The following PPP4R2 variants were observed in gnomAD, a reference collection of about 807,000 sequenced individuals.
PPP4R2 encodes serine/threonine-protein phosphatase 4 regulatory subunit 2.
In PPP4R2, 13 loss-of-function variants were observed where a neutral mutation model predicts 47.2. That is an observed-to-expected ratio of 0.28 (90% CI 0.18 to 0.44). The LOEUF (loss-of-function observed/expected upper bound fraction) is 0.44, where lower values mean the gene tolerates loss of function less well. PPP4R2 is among the 20% of genes least tolerant of loss of function. The pLI is 1.00. For missense variants in PPP4R2, 421 were observed against 491.2 expected (o/e 0.86, Z 1.35); for synonymous variants, 151 against 163.3 (o/e 0.92, Z 0.57).
chr3:73,002,418 G>C (rs1273414818), intron 2 of PPP4R2, among the ~76,000 whole-genome samples: 1 of 151,890 alleles, frequency 6.6e-6, no homozygotes, highest in Non-Finnish European at 1.5e-5. Flanking sequence ...CACGATGCCT[G>C]GCTAATTTAT....
chr3:73,036,303 A>G (rs1244626445), intron 2 of PPP4R2, among the ~76,000 whole-genome samples: 1 of 152,232 alleles, frequency 6.6e-6, no homozygotes, highest in Non-Finnish European at 1.5e-5. Context: ...GTACAGTCAG[A>G]TAAAAGGAAT....
intron 2 of PPP4R2, among the ~76,000 whole-genome samples, chr3:73,011,602 T>TG (rs1701726004): frequency 6.6e-6 from 1 of 152,190 alleles, no homozygotes; most frequent in Non-Finnish European, 1.5e-5. Context: ...TGGGGTATTT[T>TG]GGGGCAATTA....
intron 8 of PPP4R2, 36 bp downstream of exon 8, chr3:73,065,177 G>C: frequency 6.5e-7 from 1 of 1,539,374 alleles, no homozygotes; most frequent in Non-Finnish European, 8.7e-7. Flanking sequence ...GTGGAGTAAG[G>C]AGATCCTCAA....
rs1703007847 is a variant in PPP4R2, at chr3:73,066,928, C to T, written c.*1206C>T. The T allele has an allele frequency of 6.6e-6, 1 of 152,064 alleles. No individual in the cohort carries two copies. The highest frequency in any genetic ancestry group is 2.4e-5 in the African/African-American group (1 of 41,426). The allele number at this position is 152,064 out of a possible 1,614,324, so 9.4% of individuals were successfully genotyped here. On this transcript the variant is annotated 3_prime_UTR_variant, in exon 9 of 9. Transcript: ENST00000356692. ...CAAAGCACAATGATTACTCGAAATTCAGTATTTTCAAATTTACATATTTAA... is the reference window on the plus strand; with the variant it reads ...CAAAGCACAATGATTACTCGAAATTTAGTATTTTCAAATTTACATATTTAA...
chr3:73,064,032 G>A lies in PPP4R2; in HGVS notation c.524G>A (p.Arg175Lys), dbSNP rs1702930247. 3 of 1,611,510 alleles carry A rather than the reference G, an allele frequency of 1.9e-6. No homozygotes were observed. The highest frequency in any genetic ancestry group is 1.3e-5 in the African/African-American group (1 of 74,820). Residue 175 changes from arginine to lysine, a missense_variant, in exon 7 of 9, where the codon AGG becomes AAG. By Grantham distance (26) the Arg-to-Lys change is conservative. Transcript: ENST00000356692. ...RSNINGPGTPRPLNRPKVSLS... is the reference protein window; with the variant it reads ...RSNINGPGTPKPLNRPKVSLS... Reference sequence around the variant, plus strand: ...AATATAAATGGGCCTGGGACACCCAGGCCACTTAATCGACCAAAGGTTTCT... The same window carrying A: ...AATATAAATGGGCCTGGGACACCCAAGCCACTTAATCGACCAAAGGTTTCT...
In PPP4R2 at chr3:73,065,100, G is replaced by C; in HGVS notation, c.887G>C (p.Cys296Ser). ...DKDSRCTRQH[C>S]TEEDEEEDEE... ...GATAGCCGTTGTACCCGGCAGCACT[G>C]TACAGAAGAGGATGAAGAAGAGGAT... Residue 296 changes from cysteine to serine, a missense_variant, in exon 8 of 9, where the codon TGT becomes TCT. Physicochemically the swap from Cys to Ser is moderately radical, Grantham distance 112. Around this residue, in one of 2 missense-constraint regions of PPP4R2, gnomAD observed 317 missense variants for 287.5 expected, o/e 1.10. Coordinates refer to ENST00000356692, the MANE Select transcript of PPP4R2 (RefSeq NM_174907.4). 6.2e-7 allele frequency: 1 copy of C among 1,613,610 alleles called. No homozygotes were observed. Among genetic ancestry groups the C allele is most frequent in the Non-Finnish European group, 8.5e-7 (1 of 1,179,820 alleles).
chr3:73,035,056 T>C (rs1575864740), intron 2 of PPP4R2, among the ~76,000 whole-genome samples: 1 of 152,174 alleles, frequency 6.6e-6, no homozygotes, highest in East Asian at 1.9e-4. Flanking sequence ...GATTAATAAC[T>C]AGAATATGTA....
At chr3:73,006,967 C>T (rs1020490044) in intron 2 of PPP4R2, among the ~76,000 whole-genome samples, 5 of 152,142 alleles carry the variant, frequency 3.3e-5, no homozygotes, top group Non-Finnish European at 1.5e-5. Context: ...AATACTGTGT[C>T]AGCTAGTTTT....
At position 73,027,659 on chromosome 3, in the gene PPP4R2, G is replaced by GGGGTGTGT. The variant is rs139804963; in HGVS notation, c.117-19526_117-19525insGGTGTGTG. The GGGGTGTGT allele has an allele frequency of 8.0e-5, 12 of 149,642 alleles. No homozygotes were observed. The Admixed American group carries it at 8.0e-4, about 10-fold the overall frequency. The allele number at this position is 149,642 out of a possible 1,614,324, so 9.3% of individuals were successfully genotyped here. On this transcript the variant is annotated intron_variant, in intron 2 of 8. Coordinates refer to ENST00000356692, the MANE Select transcript of PPP4R2 (RefSeq NM_174907.4). ...ATGAATAAATTCTTGGTACTTGTGA[G>GGGGTGTGT]GTGTGTGTGTGTGTGTGTGTGTGTG...
intron 5 of PPP4R2, chr3:73,062,851 T>A (rs1049696443): frequency 1.9e-6 from 3 of 1,613,680 alleles, no homozygotes; most frequent in African/African-American, 2.7e-5. Flanking sequence ...TTCACACTTC[T>A]ATTTGGAGAC....
intron 2 of PPP4R2, among the ~76,000 whole-genome samples, chr3:73,041,861 C>T (rs939138605): frequency 6.6e-6 from 1 of 152,194 alleles, no homozygotes; most frequent in East Asian, 1.9e-4. Flanking sequence ...TGGAAAATAC[C>T]TTTAGCCTTT....
Position 73,064,998 on chromosome 3 carries a change from A to G in PPP4R2, c.785A>G (p.Gln262Arg). ...GGTGAAGTCAGAGAAACAGCCAGTCAAACGACTTCCAGCGAAATTTCTTCA... is the reference window on the plus strand; with the variant it reads ...GGTGAAGTCAGAGAAACAGCCAGTCGAACGACTTCCAGCGAAATTTCTTCA... ...KEGEVRETAS[Q>R]TTSSEISSVM... The change falls in exon 8 of 9, where the codon CAA (glutamine) becomes CGA (arginine). Residue 262 changes from glutamine (Q) to arginine (R), a missense_variant. By Grantham distance (43) the Gln-to-Arg change is conservative. Transcript: ENST00000356692. The G allele has an allele frequency of 6.2e-7, 1 of 1,613,952 alleles. No homozygotes were observed. The highest frequency in any genetic ancestry group is 1.1e-5 in the South Asian group (1 of 91,080).
At chr3:72,997,128 T>C in intron 1 of PPP4R2, 57 bp downstream of exon 1, 1 of 1,273,174 alleles carries the variant, frequency 7.9e-7, no homozygotes, top group Non-Finnish European at 1.0e-6. Context: ...CGCTCTTCTC[T>C]CCTTTCAGGG....
At chr3:73,048,817 G>T (rs1702544462) in intron 3 of PPP4R2, among the ~76,000 whole-genome samples, 1 of 152,192 alleles carries the variant, frequency 6.6e-6, no homozygotes, top group East Asian at 1.9e-4. Context: ...GTGTAATCCA[G>T]TTAACGGTTT....
intron 2 of PPP4R2, among the ~76,000 whole-genome samples, chr3:73,039,887 C>T (rs756206756): frequency 2.0e-5 from 3 of 152,134 alleles, no homozygotes; most frequent in Non-Finnish European, 4.4e-5. Context: ...AACACCGTCT[C>T]TACTAAAAAT....
At chr3:72,997,193 C>A in intron 1 of PPP4R2, 122 bp downstream of exon 1, 1 of 698,914 alleles carries the variant, frequency 1.4e-6, no homozygotes, top group Non-Finnish European at 2.1e-6. Context: ...GCTTCCCGGG[C>A]TCCCATCCCC....
chr3:73,008,380 G>C (rs1376029512), intron 2 of PPP4R2, among the ~76,000 whole-genome samples: 1 of 152,136 alleles, frequency 6.6e-6, no homozygotes, highest in Non-Finnish European at 1.5e-5. Context: ...AAACCTGAAT[G>C]GTACACTGGA....
chr3:73,043,567 G>A (rs979008531), intron 2 of PPP4R2, among the ~76,000 whole-genome samples: 1 of 152,152 alleles, frequency 6.6e-6, no homozygotes, highest in Non-Finnish European at 1.5e-5. Flanking sequence ...AGTAATGTAT[G>A]ACATTACCAG....
intron 2 of PPP4R2, among the ~76,000 whole-genome samples, chr3:73,029,509 C>T (rs969470581): frequency 1.3e-5 from 2 of 152,096 alleles, no homozygotes; most frequent in Non-Finnish European, 2.9e-5. Flanking sequence ...AGAAAGGAGT[C>T]AGTAGTGACT....
Sources: gnomAD v4.1 joint callset for allele counts (sites outside exome capture counted in the v4.1 genomes callset) on GRCh38, gnomAD v4.1.1 for gene constraint, gnomAD v4.1.1 regional missense constraint, MANE v1.5 for transcripts, NCBI Gene and HGNC (gene_info 2026-07-23, HGNC 2026-07-21) for gene names.